Variants in WSCD2 observed in about 807,000 individuals in gnomAD.
WSCD2 encodes WSC domain sialate O sulfotransferase 2.
Under a neutral mutation model 55.7 loss-of-function variants are expected in WSCD2, and 28 were observed. That is an observed-to-expected ratio of 0.50 (90% CI 0.37 to 0.69). The LOEUF is 0.69. Among genes scored for constraint, WSCD2 ranks in the 30% least tolerant of loss-of-function variants. WSCD2 has a pLI of 0.00. For missense variants in WSCD2, 616 were observed against 762.1 expected, an observed-to-expected ratio of 0.81 and a Z score of 2.26; for synonymous variants, 301 against 301.9, an observed-to-expected ratio of 1.00 and a Z score of 0.03.
chr12:108,141,847 AGT>A (rs1390252404), intron 1 of WSCD2, among the ~76,000 whole-genome samples: 4 of 152,168 alleles, frequency 2.6e-5, no homozygotes, highest in African/African-American at 9.7e-5. Flanking sequence ...GTTTAAGTAA[AGT>A]GGAGTTGAAT....
At chr12:108,185,595 A>C (rs1565944010) in intron 1 of WSCD2, among the ~76,000 whole-genome samples, 1 of 152,154 alleles carries the variant, frequency 6.6e-6, no homozygotes, top group African/African-American at 2.4e-5. Flanking sequence ...TGTGATGCGC[A>C]CACACAACCG....
intron 1 of WSCD2, among the ~76,000 whole-genome samples, chr12:108,180,567 G>T (rs573384244): frequency 6.6e-6 from 1 of 152,332 alleles, no homozygotes; most frequent in Admixed American, 6.5e-5. Context: ...ATAGGAACCA[G>T]AAGAAATTTT....
chr12:108,220,819 T>A (rs1887429638), intron 4 of WSCD2, among the ~76,000 whole-genome samples: 1 of 152,188 alleles, frequency 6.6e-6, no homozygotes, highest in Non-Finnish European at 1.5e-5. Context: ...CTTACAGGTG[T>A]GACTCACTGC....
intron 7 of WSCD2, among the ~76,000 whole-genome samples, chr12:108,233,648 C>T (rs1889002408): frequency 1.4e-5 from 2 of 148,112 alleles, no homozygotes; most frequent in Admixed American, 1.3e-4. Flanking sequence ...CAAAGTCACA[C>T]AATTTTTTTT....
At chr12:108,232,951 C>G in intron 7 of WSCD2, 56 bp downstream of exon 7, 1 of 1,587,682 alleles carries the variant, frequency 6.3e-7, no homozygotes, top group Non-Finnish European at 8.6e-7. Flanking sequence ...GGGAAGGTCC[C>G]CACTTGGAGG....
intron 8 of WSCD2, 138 bp downstream of exon 8, chr12:108,240,682 G>C (rs1314619406): frequency 5.8e-6 from 6 of 1,027,390 alleles, no homozygotes; most frequent in Non-Finnish European, 6.9e-6. Flanking sequence ...ACATCCTGGA[G>C]GGCGCGTGTC....
At chr12:108,141,853 G>A (rs1158970592) in intron 1 of WSCD2, among the ~76,000 whole-genome samples, 1 of 152,150 alleles carries the variant, frequency 6.6e-6, no homozygotes, top group African/African-American at 2.4e-5. Context: ...GTAAAGTGGA[G>A]TTGAATGATT....
chr12:108,204,196 T>C (rs965598161), intron 2 of WSCD2, among the ~76,000 whole-genome samples: 9 of 152,280 alleles, frequency 5.9e-5, no homozygotes, highest in African/African-American at 2.2e-4. Flanking sequence ...CAATACATGA[T>C]AGTTTTGTCT....
Position 108,249,899 on chromosome 12 carries a change from T to C in WSCD2, c.*1556T>C, listed in dbSNP as rs2137262366. The C allele has an allele frequency of 1.3e-5, 2 of 152,764 alleles. No individual in the cohort carries two copies. Among genetic ancestry groups the C allele is most frequent in the Middle Eastern group, 3.4e-3 (1 of 294 alleles). The allele number at this position is 152,764 out of a possible 1,614,324, so 9.5% of individuals were successfully genotyped here. A position where few individuals can be genotyped will look rare whatever the true frequency, so the allele number is the denominator to read the frequency against. On this transcript the variant is annotated 3_prime_UTR_variant, in exon 9 of 9. Transcript: ENST00000547525. ...CCACCCAGGGGGCTCTGAATGTATT[T>C]TGTACCGTGTTTCTTTCCCCCAGGA...
intron 1 of WSCD2, among the ~76,000 whole-genome samples, chr12:108,183,772 T>G (rs890770269): frequency 6.6e-6 from 1 of 152,088 alleles, no homozygotes; most frequent in South Asian, 2.1e-4. Flanking sequence ...CAATGTCACA[T>G]AGAGGTTAGG....
chr12:108,183,381 C>T (rs1882053140), intron 1 of WSCD2, among the ~76,000 whole-genome samples: 1 of 152,140 alleles, frequency 6.6e-6, no homozygotes, highest in Non-Finnish European at 1.5e-5. Context: ...GGCTGGTTAA[C>T]TCTGTGTATG....
intron 1 of WSCD2, among the ~76,000 whole-genome samples, chr12:108,150,241 T>C (rs886403178): frequency 6.6e-6 from 1 of 152,186 alleles, no homozygotes; most frequent in Non-Finnish European, 1.5e-5. Context: ...CTTTGACTGA[T>C]GCCAAAGGCT....
At chr12:108,152,906 C>A (rs990289469) in intron 1 of WSCD2, among the ~76,000 whole-genome samples, 1 of 152,130 alleles carries the variant, frequency 6.6e-6, no homozygotes, top group Admixed American at 6.5e-5. Context: ...AGTTCAAGGC[C>A]AGCCTGGCCA....
intron 8 of WSCD2, among the ~76,000 whole-genome samples, chr12:108,245,577 G>C (rs1219755211): frequency 6.6e-6 from 1 of 152,184 alleles, no homozygotes; most frequent in East Asian, 1.9e-4. Flanking sequence ...GAGATAGTGA[G>C]AGGTGGCCAA....
At chr12:108,131,135 A>G (rs973937041) in intron 1 of WSCD2, among the ~76,000 whole-genome samples, 5 of 152,166 alleles carry the variant, frequency 3.3e-5, no homozygotes, top group African/African-American at 1.2e-4. Context: ...AAACCCAAGA[A>G]TTCCTCCAGG....
At chr12:108,244,666 G>T in intron 8 of WSCD2, 1 of 694,344 alleles carries the variant, frequency 1.4e-6, no homozygotes, top group South Asian at 1.5e-5. Flanking sequence ...CATACCTCAT[G>T]TGGGGAGGAG....
At position 108,218,521 on chromosome 12, in the gene WSCD2, A is replaced by G. The variant is rs570237565; in HGVS notation, c.683-6218A>G. Among the ~76,000 whole-genome samples, 166 of 152,318 alleles carry G rather than the reference A, an allele frequency of 1.1e-3. 1 individual carries two copies. Among genetic ancestry groups the G allele is most frequent in the African/African-American group, 3.6e-3 (150 of 41,568 alleles). On this transcript the variant is annotated intron_variant, in intron 4 of 8. Transcript: ENST00000547525. ...TGTGACCCATCAGTGGACTGAGCCC[A>G]AAAGATGGGTGCCCAGCTTGGGGGC...
At chr12:108,133,087 G>A (rs1367799851) in intron 1 of WSCD2, among the ~76,000 whole-genome samples, 1 of 152,166 alleles carries the variant, frequency 6.6e-6, no homozygotes, top group African/African-American at 2.4e-5. Context: ...GTGTGACTGT[G>A]TGTATTGCAG....
intron 1 of WSCD2, among the ~76,000 whole-genome samples, chr12:108,145,364 C>G (rs1183143492): frequency 1.3e-5 from 2 of 152,222 alleles, no homozygotes; most frequent in Non-Finnish European, 2.9e-5. Context: ...GTGTGTTGAT[C>G]TAACCAACCT....
Sources: gnomAD v4.1 joint callset for allele counts (sites outside exome capture counted in the v4.1 genomes callset) on GRCh38, gnomAD v4.1.1 for gene constraint, MANE v1.5 for transcripts, NCBI Gene and HGNC (gene_info 2026-07-23, HGNC 2026-07-21) for gene names.